The following MAGI2 variants were observed in gnomAD, a reference collection of about 807,000 sequenced individuals.
The protein encoded by MAGI2 is membrane associated guanylate kinase, WW and PDZ domain containing 2.
A neutral mutation model predicts 133.3 loss-of-function variants in MAGI2; 35 were observed. That is an observed-to-expected ratio of 0.26 (90% confidence interval 0.20 to 0.35). The LOEUF (loss-of-function observed/expected upper bound fraction) is 0.35, where lower values mean the gene tolerates loss of function less well. MAGI2 is among the 10% of genes least tolerant of loss of function. The pLI, the probability that MAGI2 is intolerant of heterozygous loss-of-function variation, is 1.00. For synonymous variants in MAGI2, 729 were observed against 710.6 expected, an observed-to-expected ratio of 1.03 and a Z score of -0.41; for missense variants, 1,636 against 1,863.4, an observed-to-expected ratio of 0.88 and a Z score of 2.25.
chr7:79,453,540 G>T lies in MAGI2; in HGVS notation c.-220C>A, dbSNP rs2129211246. On this transcript the variant is annotated 5_prime_UTR_variant, in exon 1 of 22. Coordinates refer to ENST00000354212, the MANE Select transcript of MAGI2 (RefSeq NM_012301.4). ...TGGGCAGAGGTAGGAGAGCTTGGAT[G>T]AGGTTGTGCTGTCCCTTGAATGACA... 3 of 1,340,300 alleles carry T rather than the reference G, an allele frequency of 2.2e-6. No homozygotes were observed. The highest frequency in any genetic ancestry group is 2.9e-6 in the Non-Finnish European group (3 of 1,049,312). 83.0% of individuals were successfully genotyped at this position (1,340,300 alleles called of 1,614,324 possible).
At chr7:78,434,951 GCCT>G (rs1228518710) in intron 6 of MAGI2, among the ~76,000 whole-genome samples, 2 of 152,088 alleles carry the variant, frequency 1.3e-5, no homozygotes, top group African/African-American at 2.4e-5. Flanking sequence ...AGGGCCCGCT[GCCT>G]CCTATCCCTC....
chr7:78,817,082 C>T (rs573112479), intron 2 of MAGI2, among the ~76,000 whole-genome samples: 4 of 152,166 alleles, frequency 2.6e-5, no homozygotes, highest in South Asian at 2.1e-4. Context: ...TGAATCCAAC[C>T]GTCATGGATG....
chr7:79,426,094 G>C (rs1847354252), intron 1 of MAGI2, among the ~76,000 whole-genome samples: 1 of 152,126 alleles, frequency 6.6e-6, no homozygotes, highest in Non-Finnish European at 1.5e-5. Context: ...GGACTCATAA[G>C]AAACAATGTT....
At chr7:78,543,491 G>A (rs1410814074) in intron 3 of MAGI2, among the ~76,000 whole-genome samples, 2 of 152,168 alleles carry the variant, frequency 1.3e-5, no homozygotes, top group African/African-American at 4.8e-5. Flanking sequence ...GGACATAAAT[G>A]CAAATTAGAG....
intron 3 of MAGI2, among the ~76,000 whole-genome samples, chr7:78,602,976 A>T (rs1805369582): frequency 6.6e-6 from 1 of 152,202 alleles, no homozygotes; most frequent in African/African-American, 2.4e-5. Context: ...GTTAATGGTG[A>T]CTTTAAGAGA....
chr7:78,258,384 A>C (rs1440943403), intron 9 of MAGI2, among the ~76,000 whole-genome samples: 1 of 152,118 alleles, frequency 6.6e-6, no homozygotes, highest in Non-Finnish European at 1.5e-5. Flanking sequence ...TTTTAATGTT[A>C]TATTTTCTAC....
intron 1 of MAGI2, among the ~76,000 whole-genome samples, chr7:79,293,760 C>T (rs1388720809): frequency 1.3e-5 from 2 of 152,220 alleles, no homozygotes; most frequent in Admixed American, 6.5e-5. Context: ...CCAAAGCCTA[C>T]ACCGGGAGAC....
chr7:78,535,087 G>A (rs1365648368), intron 3 of MAGI2, among the ~76,000 whole-genome samples: 1 of 152,012 alleles, frequency 6.6e-6, no homozygotes, highest in African/African-American at 2.4e-5. Context: ...AGCCGAGATC[G>A]CACCACTGCA....
chr7:78,880,324 G>A (rs753611814), intron 2 of MAGI2, among the ~76,000 whole-genome samples: 2 of 152,104 alleles, frequency 1.3e-5, no homozygotes, highest in Non-Finnish European at 2.9e-5. Context: ...GGCAGCTAGA[G>A]GAAAAGGTCA....
chr7:78,785,014 T>C (rs1826697583), intron 2 of MAGI2, among the ~76,000 whole-genome samples: 1 of 152,216 alleles, frequency 6.6e-6, no homozygotes, highest in African/African-American at 2.4e-5. Flanking sequence ...AGGCCTTTCT[T>C]CATGCGTATA....
chr7:79,371,140 C>T (rs10237230), intron 1 of MAGI2, among the ~76,000 whole-genome samples: 4,901 of 152,058 alleles, frequency 0.032, 250 homozygotes, highest in African/African-American at 0.11. Flanking sequence ...TTCTAAAATC[C>T]GATAACAGTT....
At chr7:79,021,995 G>A (rs1413302800) in intron 1 of MAGI2, among the ~76,000 whole-genome samples, 1 of 152,066 alleles carries the variant, frequency 6.6e-6, no homozygotes, top group Non-Finnish European at 1.5e-5. Context: ...CTTCATAAGG[G>A]TTTCCCCCAT....
At chr7:78,614,016 A>C (rs1806777310) in intron 3 of MAGI2, among the ~76,000 whole-genome samples, 1 of 152,050 alleles carries the variant, frequency 6.6e-6, no homozygotes, top group African/African-American at 2.4e-5. Context: ...AGCCTGAGGT[A>C]GGAGAATCAA....
At chr7:78,539,016 T>C (rs1798193208) in intron 3 of MAGI2, among the ~76,000 whole-genome samples, 1 of 152,176 alleles carries the variant, frequency 6.6e-6, no homozygotes, top group African/African-American at 2.4e-5. Context: ...TGGCTAAGAC[T>C]TCCAGTACTA....
intron 2 of MAGI2, among the ~76,000 whole-genome samples, chr7:78,894,271 G>T (rs956741784): frequency 6.6e-6 from 1 of 152,086 alleles, no homozygotes; most frequent in African/African-American, 2.4e-5. Flanking sequence ...GTGGTGGCAC[G>T]TGTGCCTGTA....
intron 1 of MAGI2, among the ~76,000 whole-genome samples, chr7:79,047,666 A>G (rs990586412): frequency 6.6e-6 from 1 of 152,174 alleles, no homozygotes; most frequent in Non-Finnish European, 1.5e-5. Context: ...ATATATGTAT[A>G]TGAAGGTTTG....
At chr7:78,293,057 T>C (rs1005770521) in intron 9 of MAGI2, among the ~76,000 whole-genome samples, 1 of 152,088 alleles carries the variant, frequency 6.6e-6, no homozygotes, top group Non-Finnish European at 1.5e-5. Context: ...CCAAAAGCAA[T>C]GGCAACAAAA....
intron 2 of MAGI2, among the ~76,000 whole-genome samples, chr7:78,845,994 T>A (rs116916721): frequency 1.3e-5 from 2 of 151,948 alleles, no homozygotes; most frequent in Non-Finnish European, 2.9e-5. Context: ...GTTGGTAGTA[T>A]GAGTGATATG....
intron 7 of MAGI2, 63 bp downstream of exon 7, chr7:78,369,093 T>C (rs749364051): frequency 6.5e-6 from 8 of 1,237,468 alleles, no homozygotes; most frequent in African/African-American, 4.5e-5. Context: ...GCTCAATAAA[T>C]AAAATACTAA....
Sources: gnomAD v4.1 joint callset for allele counts (sites outside exome capture counted in the v4.1 genomes callset) on GRCh38, gnomAD v4.1.1 for gene constraint, MANE v1.5 for transcripts, NCBI Gene and HGNC (gene_info 2026-07-23, HGNC 2026-07-21) for gene names.